TENM1: variants seen among roughly 807,000 people sequenced by gnomAD.
The protein encoded by TENM1 is teneurin transmembrane protein 1.
A neutral mutation model predicts 174.8 loss-of-function variants in TENM1; 35 were observed. The ratio of observed to expected loss-of-function variants is 0.20; its 90% CI spans 0.15 to 0.27. The LOEUF (loss-of-function observed/expected upper bound fraction) is 0.27, where lower values mean the gene tolerates loss of function less well. Ranked by LOEUF, TENM1 falls within the 10% of genes least tolerant of loss-of-function variation. The pLI, the probability that TENM1 is intolerant of heterozygous loss-of-function variation, is 1.00. For missense variants in TENM1, 1,633 were observed against 2,130.1 expected (o/e 0.77, Z 4.59); for synonymous variants, 781 against 798.7 (o/e 0.98, Z 0.37).
chrX:125,147,158 ATG>A, the TENM1 span, among the ~76,000 whole-genome samples: 1 of 109,115 alleles, frequency 9.2e-6, no homozygotes, highest in East Asian at 2.8e-4. Flanking sequence ...TATCACATAT[ATG>A]TGTGTATATA....
intron 3 of TENM1, among the ~76,000 whole-genome samples, chrX:124,814,672 C>T (rs1401663607): frequency 2.7e-5 from 3 of 111,357 alleles, no homozygotes; most frequent in Non-Finnish European, 5.7e-5. Context: ...GCCTGCGTAA[C>T]CAAGTTCCAT....
rs141306356 is a variant in TENM1 at position 124,562,427 on chromosome X, A to G, written c.2288-610T>C. On this transcript the variant is annotated intron_variant, in intron 13 of 31. Transcript: ENST00000422452. ...GCTAACGATTGAAATCTTTACTTCC[A>G]TGGTATCTCTCTCAAAAGCTTGCAT... Among the ~76,000 whole-genome samples the G allele has an allele frequency of 3.5e-3, 389 of 112,393 alleles. 1 individual carries two copies. The highest frequency in any genetic ancestry group is 0.012 in the African/African-American group (369 of 31,002).
exon 9 of TENM1, chrX:124,646,769 C>T: frequency 1.7e-6 from 2 of 1,206,075 alleles, no homozygotes; most frequent in Non-Finnish European, 2.2e-6. Flanking sequence ...GAGATACACT[C>T]TCCATTTCCA....
chrX:124,545,100 C>G (rs542494696), intron 15 of TENM1, among the ~76,000 whole-genome samples: 1 of 111,766 alleles, frequency 8.9e-6, no homozygotes, highest in Non-Finnish European at 1.9e-5. Flanking sequence ...ACTTTCCTCA[C>G]GAAAAGCCTT....
chrX:124,752,774 C>G (rs1265459466), intron 3 of TENM1, among the ~76,000 whole-genome samples: 7 of 109,867 alleles, frequency 6.4e-5, no homozygotes, highest in East Asian at 5.7e-4. Flanking sequence ...GCTTGTTTTT[C>G]TCAGGTTTGT....
At chrX:125,201,444 C>T in the TENM1 span, among the ~76,000 whole-genome samples, 3 of 112,431 alleles carry the variant, frequency 2.7e-5, no homozygotes, top group East Asian at 2.8e-4. Context: ...TGTCAAATGA[C>T]ATGACTGTCC....
intron 5 of TENM1, among the ~76,000 whole-genome samples, chrX:124,703,956 G>C (rs1489650539): frequency 8.9e-6 from 1 of 112,130 alleles, no homozygotes; most frequent in Admixed American, 9.4e-5. Context: ...CATCATCAGT[G>C]ACCTCCCTAC....
chrX:124,585,147 C>G (rs1329801171), intron 11 of TENM1, among the ~76,000 whole-genome samples: 140 of 110,664 alleles, frequency 1.3e-3, no homozygotes, highest in African/African-American at 4.0e-3. Flanking sequence ...AGTTAACAAG[C>G]ATACCCAGGA....
At chrX:125,023,630 ACTT>A in the TENM1 span, among the ~76,000 whole-genome samples, 1 of 110,067 alleles carries the variant, frequency 9.1e-6, no homozygotes, top group South Asian at 3.9e-4. Context: ...AAAAAAAAAA[ACTT>A]CTGTGGACAG....
intron 5 of TENM1, among the ~76,000 whole-genome samples, chrX:124,686,943 T>G (rs767396457): frequency 9.0e-6 from 1 of 111,020 alleles, no homozygotes; most frequent in Non-Finnish European, 1.9e-5. Context: ...GAGAAAGAAA[T>G]AAAGGATATT....
intron 18 of TENM1, among the ~76,000 whole-genome samples, chrX:124,509,644 T>C (rs772609781): frequency 9.1e-6 from 1 of 110,098 alleles, no homozygotes; most frequent in African/African-American, 3.3e-5. Flanking sequence ...ATATACTGAA[T>C]ATTATACAGG....
intron 1 of TENM1, among the ~76,000 whole-genome samples, chrX:124,920,283 T>A (rs1411106068): frequency 9.0e-6 from 1 of 111,601 alleles, no homozygotes; most frequent in African/African-American, 3.3e-5. Context: ...TAATGTTATA[T>A]GTAATGTTTT....
the TENM1 span, among the ~76,000 whole-genome samples, chrX:125,197,762 T>G: frequency 4.5e-5 from 5 of 112,142 alleles, no homozygotes; most frequent in East Asian, 1.4e-3. Flanking sequence ...AACTGCTTCA[T>G]TCTATCATTA....
At chrX:124,635,170 A>G (rs768638325) in intron 11 of TENM1, among the ~76,000 whole-genome samples, 23 of 111,653 alleles carry the variant, frequency 2.1e-4, no homozygotes, top group Non-Finnish European at 3.2e-4. Context: ...GTGTTGGAAA[A>G]GACCTCATGG....
At chrX:124,992,531 G>C in the TENM1 span, among the ~76,000 whole-genome samples, 1 of 111,222 alleles carries the variant, frequency 9.0e-6, no homozygotes, top group Non-Finnish European at 1.9e-5. Context: ...TCCAAAGCCA[G>C]CCATAAAACC....
the TENM1 span, among the ~76,000 whole-genome samples, chrX:125,026,774 C>T: frequency 1.8e-5 from 2 of 111,195 alleles, no homozygotes; most frequent in African/African-American, 6.5e-5. Context: ...ATAACAAAAG[C>T]GAAAACATAT....
At chrX:124,409,325 C>T (rs2060502874) in intron 25 of TENM1, among the ~76,000 whole-genome samples, 1 of 110,424 alleles carries the variant, frequency 9.1e-6, no homozygotes, top group Non-Finnish European at 1.9e-5. Context: ...ATTCAACAAC[C>T]CTTCATGCTA....
intron 3 of TENM1, among the ~76,000 whole-genome samples, chrX:124,825,021 T>C (rs972862898): frequency 4.5e-5 from 5 of 110,277 alleles, no homozygotes; most frequent in Non-Finnish European, 7.6e-5. Flanking sequence ...TACACTGAAG[T>C]AAAAATGATG....
chrX:124,577,065 C>T (rs1433835693), intron 11 of TENM1, among the ~76,000 whole-genome samples: 3 of 112,197 alleles, frequency 2.7e-5, no homozygotes, highest in Non-Finnish European at 5.6e-5. Flanking sequence ...AAGTCTTACT[C>T]TAAATGAGAA....
Sources: allele counts gnomAD v4.1 joint callset (sites outside exome capture counted in the v4.1 genomes callset), GRCh38; gene constraint gnomAD v4.1.1; transcripts MANE v1.5; gene names NCBI Gene and HGNC (gene_info 2026-07-23, HGNC 2026-07-21).